The following PPARGC1B variants were observed in gnomAD, a reference collection of about 807,000 sequenced individuals.
The protein encoded by PPARGC1B is PPARG coactivator 1 beta.
PPARGC1B carries 34 observed loss-of-function variants against 101.6 expected under a neutral mutation model. The ratio of observed to expected loss-of-function variants is 0.33; its 90% CI spans 0.25 to 0.45. The LOEUF (loss-of-function observed/expected upper bound fraction) is 0.45. Ranked by LOEUF, PPARGC1B falls within the 20% of genes least tolerant of loss-of-function variation. The pLI is 1.00. For synonymous variants in PPARGC1B, 548 were observed against 539.3 expected (o/e 1.02, Z -0.22); for missense variants, 1,234 against 1,317.6 (o/e 0.94, Z 0.98).
At chr5:149,752,351 G>A (rs1261769279) in intron 1 of PPARGC1B, among the ~76,000 whole-genome samples, 1 of 152,230 alleles carries the variant, frequency 6.6e-6, no homozygotes, top group African/African-American at 2.4e-5. Context: ...TCAGACTGCA[G>A]TCGGAGCAGA....
Position 149,826,655 on chromosome 5 carries a change from C to T in PPARGC1B, c.253-18C>T, listed in dbSNP as rs770925688. On this transcript the variant is annotated intron_variant, in intron 2 of 11. Coordinates refer to ENST00000309241, the MANE Select transcript of PPARGC1B (RefSeq NM_133263.4). Reference sequence around the variant, plus strand: ...CTCCCCATCTGCCTTTCTGACCCTCCCGCCCTCCTCACTCCAGATTGACAG... The same window carrying T: ...CTCCCCATCTGCCTTTCTGACCCTCTCGCCCTCCTCACTCCAGATTGACAG... 6.2e-7 allele frequency: 1 copy of T among 1,604,054 alleles called. No individual in the cohort carries two copies. Among genetic ancestry groups the T allele is most frequent in the South Asian group, 1.1e-5 (1 of 90,752 alleles).
intron 1 of PPARGC1B, among the ~76,000 whole-genome samples, chr5:149,787,517 A>C (rs12109848): frequency 6.6e-6 from 1 of 152,256 alleles, no homozygotes; most frequent in Non-Finnish European, 1.5e-5. Context: ...GCCGGTGTCT[A>C]TTGTCACACA....
intron 3 of PPARGC1B, among the ~76,000 whole-genome samples, chr5:149,827,969 C>T (rs1363282263): frequency 1.3e-5 from 2 of 152,176 alleles, no homozygotes; most frequent in Admixed American, 1.3e-4. Flanking sequence ...AAATCAGAGC[C>T]TGTTGGAGCC....
intron 1 of PPARGC1B, among the ~76,000 whole-genome samples, chr5:149,783,297 A>C (rs1756662178): frequency 6.6e-6 from 1 of 152,206 alleles, no homozygotes; most frequent in South Asian, 2.1e-4. Context: ...TTTCATAAAG[A>C]GAGTAGCATA....
At chr5:149,780,506 AG>A (rs1756559303) in intron 1 of PPARGC1B, among the ~76,000 whole-genome samples, 1 of 152,168 alleles carries the variant, frequency 6.6e-6, no homozygotes, top group African/African-American at 2.4e-5. Context: ...TTTGAACTAA[AG>A]GTCTCTAAGG....
chr5:149,751,227 G>A (rs1755290757), intron 1 of PPARGC1B, among the ~76,000 whole-genome samples: 1 of 152,052 alleles, frequency 6.6e-6, no homozygotes, highest in African/African-American at 2.4e-5. Flanking sequence ...TAGCAGTTTA[G>A]CGGTTTTAAA....
intron 1 of PPARGC1B, chr5:149,772,097 G>A (rs1224435046): frequency 6.3e-7 from 1 of 1,584,132 alleles, no homozygotes; most frequent in Non-Finnish European, 8.6e-7. Flanking sequence ...ATCTGGGTTG[G>A]GGCTGCCCCA....
chr5:149,851,368 G>C lies in PPARGC1B; in HGVS notation c.*3810G>C, dbSNP rs1759755415. On this transcript the variant is annotated 3_prime_UTR_variant, in exon 12 of 12. Coordinates refer to ENST00000309241, the MANE Select transcript of PPARGC1B (RefSeq NM_133263.4). ...TGGCCCATCCCAGGTATAGAGTTCA[G>C]TTAATCCCATTTGAGCCTGCAGCTT... The C allele has an allele frequency of 6.6e-6, 1 of 152,222 alleles. No individual in the cohort carries two copies. 9.4% of individuals were successfully genotyped at this position (152,222 alleles called of 1,614,324 possible). A position where few individuals can be genotyped will look rare whatever the true frequency, so the allele number is the denominator to read the frequency against.
chr5:149,840,580 C>T (rs1759294705), intron 9 of PPARGC1B, among the ~76,000 whole-genome samples: 2 of 152,182 alleles, frequency 1.3e-5, no homozygotes, highest in Admixed American at 1.3e-4. Flanking sequence ...AGGCTTTCCC[C>T]AACTTGATCA....
chr5:149,772,178 G>C, intron 1 of PPARGC1B: 1 of 1,607,278 alleles, frequency 6.2e-7, no homozygotes, highest in South Asian at 1.1e-5. Context: ...TGGCGTTGGT[G>C]GTGAAGGCTT....
rs59476761 is a variant in PPARGC1B, at chr5:149,735,289, C to A, written c.78+4869C>A. On this transcript the variant is annotated intron_variant, in intron 1 of 11. Coordinates refer to ENST00000309241, the MANE Select transcript of PPARGC1B (RefSeq NM_133263.4). ...GCAATGGCCCAGCAGCTGTGCCCCA[C>A]GGGCTCATATTTCCTCTTTACCTTA... Among the ~76,000 whole-genome samples, 5 of 152,296 alleles carry A rather than the reference C, an allele frequency of 3.3e-5. No individual in the cohort carries two copies. In the East Asian group the frequency reaches 9.7e-4, roughly 29 times the overall value.
Position 149,835,375 on chromosome 5 carries a change from G to C in PPARGC1B, c.1807+10G>C, listed in dbSNP as rs544898489. On this transcript the variant is annotated intron_variant, in intron 7 of 11. Coordinates refer to ENST00000309241, the MANE Select transcript of PPARGC1B (RefSeq NM_133263.4). Reference sequence around the variant, plus strand: ...CTCTGTGGCACAGCAGGTGAGCCAGGGGGCTTCCACTGGCAGGTGCCTTCA... The same window carrying C: ...CTCTGTGGCACAGCAGGTGAGCCAGCGGGCTTCCACTGGCAGGTGCCTTCA... The C allele has an allele frequency of 6.2e-7, 1 of 1,612,960 alleles. No individual in the cohort carries two copies. The highest frequency in any genetic ancestry group is 1.3e-5 in the African/African-American group (1 of 75,036).
At chr5:149,818,831 T>A in intron 1 of PPARGC1B, 1 of 456,710 alleles carries the variant, frequency 2.2e-6, no homozygotes, top group Non-Finnish European at 4.4e-6. Flanking sequence ...TGACATTGCC[T>A]CTTTTAATCT....
At chr5:149,759,067 CTTTT>C (rs1369936568) in intron 1 of PPARGC1B, among the ~76,000 whole-genome samples, 1 of 152,094 alleles carries the variant, frequency 6.6e-6, no homozygotes, top group Admixed American at 6.6e-5. Flanking sequence ...ACTATTATTT[CTTTT>C]TTCACATATT....
chr5:149,831,862 T>C (rs1758797236), intron 4 of PPARGC1B, among the ~76,000 whole-genome samples: 1 of 152,238 alleles, frequency 6.6e-6, no homozygotes, highest in South Asian at 2.1e-4. Context: ...CCCTTTATCC[T>C]GTGGGCACTA....
chr5:149,787,699 A>G (rs1756864993), intron 1 of PPARGC1B, among the ~76,000 whole-genome samples: 1 of 152,180 alleles, frequency 6.6e-6, no homozygotes, highest in Admixed American at 6.5e-5. Context: ...GGGACACTAT[A>G]ATCTACCAGT....
At chr5:149,855,737 C>T (rs1759931108), downstream of PPARGC1B, among the ~76,000 whole-genome samples, 3 of 152,178 alleles carry the variant, frequency 2.0e-5, no homozygotes, top group South Asian at 6.2e-4. Flanking sequence ...TGCCCTAAAG[C>T]TGTTTTTTGT....
intron 1 of PPARGC1B, among the ~76,000 whole-genome samples, chr5:149,738,280 C>T (rs145789694): frequency 2.0e-5 from 3 of 152,218 alleles, no homozygotes; most frequent in Non-Finnish European, 4.4e-5. Flanking sequence ...CACTCCTGGA[C>T]GTTAAGCTCC....
At position 149,813,200 on chromosome 5, in the gene PPARGC1B, C is replaced by T. The variant is rs7720715; in HGVS notation, c.79-7233C>T. 8.2e-3 allele frequency among the ~76,000 whole-genome samples: 1,256 copies of T among 152,254 alleles called. 20 individuals are homozygous for T. The highest frequency in any genetic ancestry group is 0.028 in the African/African-American group (1,157 of 41,558). On this transcript the variant is annotated intron_variant, in intron 1 of 11. Coordinates refer to ENST00000309241, the MANE Select transcript of PPARGC1B (RefSeq NM_133263.4). Reference sequence around the variant, plus strand: ...AGCCCAGTGCTGTGCGCTTGTCACCCTAGCAGATCTCATTGCAGGTCTGCA... The same window carrying T: ...AGCCCAGTGCTGTGCGCTTGTCACCTTAGCAGATCTCATTGCAGGTCTGCA...
Sources: allele counts gnomAD v4.1 joint callset (sites outside exome capture counted in the v4.1 genomes callset), GRCh38; gene constraint gnomAD v4.1.1; transcripts MANE v1.5; gene names NCBI Gene and HGNC (gene_info 2026-07-23, HGNC 2026-07-21).